Variants in CCDC92 observed in about 807,000 individuals in gnomAD.
CCDC92 encodes the protein coiled-coil domain containing 92, also known as coiled-coil domain-containing protein 92.
In CCDC92, 12 loss-of-function variants were observed where a neutral mutation model predicts 24.9. The observed-to-expected ratio is 0.48, with a 90% confidence interval of 0.31 to 0.78. The LOEUF is 0.78. Ranked by LOEUF, CCDC92 falls within the 30% of genes least tolerant of loss-of-function variation. CCDC92 has a pLI of 0.05. For missense variants in CCDC92, 399 were observed against 439.4 expected, an observed-to-expected ratio of 0.91 and a Z score of 0.82; for synonymous variants, 193 against 196.3, an observed-to-expected ratio of 0.98 and a Z score of 0.14.
chr12:123,939,574 T>C (rs994341779), intron 4 of CCDC92, among the ~76,000 whole-genome samples: 3 of 152,214 alleles, frequency 2.0e-5, no homozygotes, highest in Non-Finnish European at 4.4e-5. Context: ...TATTGCCCCA[T>C]GCAGTTGAAA....
At position 123,937,923 on chromosome 12, in the gene CCDC92, G is replaced by A. The variant is rs1248589685; in HGVS notation, c.224-93C>T. The A allele has an allele frequency of 3.0e-5, 39 of 1,319,380 alleles. No homozygotes were observed. In the South Asian group the frequency reaches 4.2e-4, roughly 14 times the overall value. The allele number at this position is 1,319,380 out of a possible 1,614,324, so 81.7% of individuals were successfully genotyped here. ...GGGCAGGCGGACCTGTCTGGTGGGG[G>A]CCCTGTCTAGGCTGTGGGGGCCATG... On this transcript the variant is annotated intron_variant, in intron 4 of 4. Transcript: ENST00000238156. The surrounding 1 kb of genome is among the most constrained non-coding windows in gnomAD (Gnocchi z 8.4).
intron 4 of CCDC92, among the ~76,000 whole-genome samples, chr12:123,941,950 C>T (rs1413917902): frequency 6.6e-6 from 1 of 152,196 alleles, no homozygotes; most frequent in Admixed American, 6.5e-5. Flanking sequence ...AGTGTGCTCT[C>T]GTGGTAAGAC....
At chr12:123,941,641 A>T (rs555238369) in intron 4 of CCDC92, among the ~76,000 whole-genome samples, 3 of 152,308 alleles carry the variant, frequency 2.0e-5, no homozygotes, top group Middle Eastern at 3.4e-3. Context: ...GTATATCTCT[A>T]TATATGTTCC....
intron 1 of CCDC92, among the ~76,000 whole-genome samples, chr12:123,957,631 T>C (rs1390108796): frequency 1.3e-5 from 2 of 152,012 alleles, no homozygotes; most frequent in Non-Finnish European, 2.9e-5. Context: ...ATAGTAATTA[T>C]GACCATTATT....
intron 1 of CCDC92, chr12:123,962,562 A>G (rs1956294913): frequency 6.5e-6 from 1 of 153,002 alleles, no homozygotes; most frequent in Non-Finnish European, 1.5e-5. Flanking sequence ...AGATACTGAC[A>G]AATTCTTTAT....
intron 1 of CCDC92, among the ~76,000 whole-genome samples, chr12:123,960,188 ACCTGGGCTGGCCCTTTAAGAAAGG>A (rs777557921): frequency 7.2e-4 from 109 of 152,194 alleles, no homozygotes; most frequent in Non-Finnish European, 1.2e-3. Flanking sequence ...GCTTCTGGAA[ACCTGGGCTGGCCCTTTAAGAAAGG>A]CTTCTTTCTA....
intron 1 of CCDC92, among the ~76,000 whole-genome samples, chr12:123,969,381 A>G (rs1006490272): frequency 2.6e-5 from 4 of 151,248 alleles, no homozygotes; most frequent in Non-Finnish European, 4.4e-5. Flanking sequence ...GTGAAACTTG[A>G]GTCATGTTTG....
In CCDC92 at chr12:123,942,247, T is replaced by C. The variant is rs1013941681; in HGVS notation, c.223+497A>G. Among the ~76,000 whole-genome samples, 13 of 152,270 alleles carry C rather than the reference T, an allele frequency of 8.5e-5. No individual in the cohort carries two copies. The East Asian group carries it at 2.5e-3, about 29-fold the overall frequency. On this transcript the variant is annotated intron_variant, in intron 4 of 4. Transcript: ENST00000238156. ...TGGTTTGGGGAGGGTTCTGGGGCTG[T>C]AGTCCAGAGAAAGCCCCAGATCCTC...
At chr12:123,941,516 C>G (rs955297364) in intron 4 of CCDC92, among the ~76,000 whole-genome samples, 1 of 152,198 alleles carries the variant, frequency 6.6e-6, no homozygotes, top group Non-Finnish European at 1.5e-5. Context: ...ACTGGACACT[C>G]TCATGAATAG....
At chr12:123,945,258 G>T (rs1955810302) in intron 1 of CCDC92, 1 of 152,226 alleles carries the variant, frequency 6.6e-6, no homozygotes, top group Non-Finnish European at 1.5e-5. Flanking sequence ...GCTTTCCTCA[G>T]TGGAGCCGTG....
Position 123,937,527 on chromosome 12 carries a change from G to A in CCDC92, c.527C>T (p.Ser176Leu). ...KKKLMSSSGT[S>L]DASPSGSPVL... Reference sequence around the variant, plus strand: ...GGGGCTCCCTGACGGGCTGGCATCTGAGGTCCCGCTGGAGCTCATGAGCTT... The same window carrying A: ...GGGGCTCCCTGACGGGCTGGCATCTAAGGTCCCGCTGGAGCTCATGAGCTT... The change falls in exon 5 of 5, where the codon TCA becomes TTA. Residue 176 changes from serine (S) to leucine (L), a missense_variant. Coordinates refer to ENST00000238156, the MANE Select transcript of CCDC92 (RefSeq NM_025140.3). The surrounding 1 kb of genome is among the most constrained non-coding windows in gnomAD (Gnocchi z 8.4). 4.3e-6 allele frequency: 7 copies of A among 1,612,370 alleles called. No homozygotes were observed. The highest frequency in any genetic ancestry group is 5.9e-6 in the Non-Finnish European group (7 of 1,180,008).
chr12:123,971,921 TACA>T (rs1956555010), intron 1 of CCDC92: 1 of 152,334 alleles, frequency 6.6e-6, no homozygotes, highest in East Asian at 1.9e-4. Context: ...CGGGAGGCGA[TACA>T]ACTTGTCAGG....
chr12:123,963,465 G>C (rs1365285286), intron 1 of CCDC92, among the ~76,000 whole-genome samples: 1 of 152,222 alleles, frequency 6.6e-6, no homozygotes, highest in Non-Finnish European at 1.5e-5. Flanking sequence ...AGCGAGGCAG[G>C]AGTGCAGAAA....
chr12:123,962,894 A>C (rs1956306087), intron 1 of CCDC92: 5 of 152,174 alleles, frequency 3.3e-5, no homozygotes, highest in Admixed American at 1.3e-4. Flanking sequence ...TTAGCGTGTA[A>C]GTTTTCTGAT....
At chr12:123,949,852 C>T (rs938721936) in intron 1 of CCDC92, among the ~76,000 whole-genome samples, 3 of 152,208 alleles carry the variant, frequency 2.0e-5, no homozygotes, top group East Asian at 1.9e-4. Flanking sequence ...CCGGCCTCGC[C>T]GAGTATGCTC....
intron 1 of CCDC92, among the ~76,000 whole-genome samples, chr12:123,947,282 C>T (rs1423946057): frequency 6.6e-6 from 1 of 152,170 alleles, no homozygotes; most frequent in Non-Finnish European, 1.5e-5. Flanking sequence ...GCCTCCCCGA[C>T]CAGTGCCGCT....
intron 1 of CCDC92, chr12:123,960,859 G>A (rs1415519635): frequency 6.6e-6 from 1 of 152,182 alleles, no homozygotes; most frequent in African/African-American, 2.4e-5. Flanking sequence ...ACGTTATGGG[G>A]ATCCCCAAGA....
At chr12:123,955,663 G>T (rs1166420532) in intron 1 of CCDC92, among the ~76,000 whole-genome samples, 1 of 151,616 alleles carries the variant, frequency 6.6e-6, no homozygotes, top group Non-Finnish European at 1.5e-5. Context: ...TTTTTTGGTG[G>T]GGGGGAGACA....
intron 2 of CCDC92, chr12:123,943,814 G>A: frequency 2.1e-6 from 1 of 471,910 alleles, no homozygotes; most frequent in Non-Finnish European, 3.8e-6. Flanking sequence ...AACAGATCAA[G>A]AGAGGCAGAT....
Sources: allele counts gnomAD v4.1 joint callset (sites outside exome capture counted in the v4.1 genomes callset), GRCh38; gene constraint gnomAD v4.1.1; non-coding constraint Gnocchi (gnomAD v3.1); transcripts MANE v1.5; gene names NCBI Gene and HGNC (gene_info 2026-07-23, HGNC 2026-07-21).